Variants in MICU2 observed in about 807,000 individuals in gnomAD.
MICU2 encodes the protein mitochondrial calcium uptake 2.
Under a neutral mutation model 60.4 loss-of-function variants are expected in MICU2, and 64 were observed. The ratio of observed to expected loss-of-function variants is 1.06; its 90% CI spans 0.87 to 1.31. The LOEUF is 1.31. Ranked by LOEUF, MICU2 falls within the 50% of genes most tolerant of loss-of-function variation. The pLI, the probability that MICU2 is intolerant of heterozygous loss-of-function variation, is 0.00. For synonymous variants in MICU2, 201 were observed against 175.0 expected (o/e 1.15, Z -1.17); for missense variants, 569 against 531.0 (o/e 1.07, Z -0.70).
At chr13:21,497,357 T>G (rs1886027337) in intron 9 of MICU2, among the ~76,000 whole-genome samples, 1 of 151,798 alleles carries the variant, frequency 6.6e-6, no homozygotes. Context: ...GGAGTGAGAC[T>G]CTGTGTAAAA....
At chr13:21,576,941 T>C (rs1373088323) in intron 1 of MICU2, among the ~76,000 whole-genome samples, 1 of 152,256 alleles carries the variant, frequency 6.6e-6, no homozygotes, top group African/African-American at 2.4e-5. Context: ...AAAACAAAAA[T>C]AGAACAAAAA....
intron 1 of MICU2, among the ~76,000 whole-genome samples, chr13:21,584,407 T>G (rs1431461143): frequency 1.3e-5 from 2 of 150,666 alleles, no homozygotes; most frequent in Non-Finnish European, 1.5e-5. Context: ...AAAAAAAGGT[T>G]TGCATTTCCA....
At chr13:21,526,750 C>T (rs1056828921) in intron 4 of MICU2, among the ~76,000 whole-genome samples, 10 of 151,954 alleles carry the variant, frequency 6.6e-5, no homozygotes, top group African/African-American at 2.2e-4. Flanking sequence ...ACAGATGAAG[C>T]TGAATATGAA....
chr13:21,517,766 C>T (rs147014877), intron 6 of MICU2, among the ~76,000 whole-genome samples: 1,959 of 142,380 alleles, frequency 0.014, 25 homozygotes, highest in Non-Finnish European at 0.021. Context: ...GGTGACAGAG[C>T]GAGGACACAC....
At chr13:21,539,578 G>C in intron 3 of MICU2, 79 bp downstream of exon 3, 2 of 1,573,352 alleles carry the variant, frequency 1.3e-6, no homozygotes, top group South Asian at 1.1e-5. Flanking sequence ...GATTACAGGT[G>C]TGAGCCACCG....
At chr13:21,514,859 A>G (rs894558306) in intron 6 of MICU2, among the ~76,000 whole-genome samples, 4 of 151,912 alleles carry the variant, frequency 2.6e-5, no homozygotes, top group Non-Finnish European at 4.4e-5. Context: ...CATAACTCCT[A>G]TTATCTTTTT....
At chr13:21,515,044 T>G (rs1886533265) in intron 6 of MICU2, among the ~76,000 whole-genome samples, 1 of 151,982 alleles carries the variant, frequency 6.6e-6, no homozygotes, top group Non-Finnish European at 1.5e-5. Flanking sequence ...TATTCATAAT[T>G]AGTTGTATCA....
At chr13:21,499,745 G>A (rs1210020531) in intron 9 of MICU2, among the ~76,000 whole-genome samples, 8 of 150,432 alleles carry the variant, frequency 5.3e-5, no homozygotes, top group African/African-American at 9.7e-5. Flanking sequence ...CAGAGGCACC[G>A]ACTGCATTTT....
At chr13:21,565,174 T>C (rs1887948087) in intron 2 of MICU2, among the ~76,000 whole-genome samples, 1 of 152,210 alleles carries the variant, frequency 6.6e-6, no homozygotes, top group South Asian at 2.1e-4. Flanking sequence ...ACTGTACTAA[T>C]GTGGGTAAAT....
At chr13:21,537,619 G>A (rs374961566) in intron 4 of MICU2, among the ~76,000 whole-genome samples, 50 of 151,876 alleles carry the variant, frequency 3.3e-4, no homozygotes, top group African/African-American at 1.0e-3. Context: ...ACAGGCACCC[G>A]CCACCATGCC....
At chr13:21,539,804 G>A (rs1887237736) in intron 2 of MICU2, 116 bp from the exon 3 acceptor site, 1 of 942,080 alleles carries the variant, frequency 1.1e-6, no homozygotes, top group African/African-American at 1.7e-5. Flanking sequence ...TATTTAAAAA[G>A]CAAAGGCTTG....
intron 6 of MICU2, among the ~76,000 whole-genome samples, chr13:21,517,797 A>ACGCGCGCGCGCGCG (rs764778244): frequency 2.2e-5 from 2 of 90,094 alleles, no homozygotes; most frequent in Admixed American, 2.2e-4. Flanking sequence ...ACACACACAC[A>ACGCGCGCGCGCGCG]CACGCGCGCG....
At chr13:21,506,963 G>A (rs1008285236) in intron 8 of MICU2, among the ~76,000 whole-genome samples, 8 of 152,120 alleles carry the variant, frequency 5.3e-5, no homozygotes, top group Admixed American at 2.6e-4. Context: ...TGGCTAGTAC[G>A]TTAGTGCAAG....
chr13:21,533,612 T>C (rs933253943), intron 4 of MICU2, among the ~76,000 whole-genome samples: 5 of 151,786 alleles, frequency 3.3e-5, no homozygotes, highest in Non-Finnish European at 5.9e-5. Flanking sequence ...CGTGAGCCAC[T>C]GCGCCCGGAC....
chr13:21,595,018 A>T (rs1202285963), intron 1 of MICU2, among the ~76,000 whole-genome samples: 1 of 152,230 alleles, frequency 6.6e-6, no homozygotes, highest in Non-Finnish European at 1.5e-5. Flanking sequence ...AGAATAAAGA[A>T]AAACCAACTA....
chr13:21,517,766 C>G (rs147014877), intron 6 of MICU2, among the ~76,000 whole-genome samples: 1 of 142,296 alleles, frequency 7.0e-6, no homozygotes, highest in East Asian at 2.0e-4. Context: ...GGTGACAGAG[C>G]GAGGACACAC....
In MICU2 at chr13:21,590,916, G is replaced by A. The variant is rs143531287; in HGVS notation, c.210+13023C>T. The stretch of plus-strand genomic sequence containing the variant: ...ATATGGAAAAGAAGAACTGATACCA[G>A]CCAGTGCAAAAACACACAAAAATAT... On this transcript the variant is annotated intron_variant, in intron 1 of 11. Transcript: ENST00000382374. Among the ~76,000 whole-genome samples, 522 of 152,226 alleles carry A rather than the reference G, an allele frequency of 3.4e-3. 4 individuals carry two copies. The Middle Eastern group carries it at 0.037, about 11-fold the overall frequency.
chr13:21,560,032 T>C (rs1386518373), intron 2 of MICU2, among the ~76,000 whole-genome samples: 1 of 152,232 alleles, frequency 6.6e-6, no homozygotes, highest in African/African-American at 2.4e-5. Flanking sequence ...TACTTACTAC[T>C]TCTGTCCCTT....
At chr13:21,602,662 A>C (rs1476583265) in intron 1 of MICU2, 1 of 152,236 alleles carries the variant, frequency 6.6e-6, no homozygotes, top group African/African-American at 2.4e-5. Context: ...AGATCTTTCC[A>C]TTATATATGT....
Sources: gnomAD v4.1 joint callset for allele counts (sites outside exome capture counted in the v4.1 genomes callset) on GRCh38, gnomAD v4.1.1 for gene constraint, MANE v1.5 for transcripts, NCBI Gene and HGNC (gene_info 2026-07-23, HGNC 2026-07-21) for gene names.